Variants in ACSM3 observed in about 807,000 individuals in gnomAD.
ACSM3 encodes the protein acyl-CoA synthetase medium chain family member 3, also known as acyl-coenzyme A synthetase ACSM3, mitochondrial.
ACSM3 carries 61 observed loss-of-function variants against 74.1 expected under a neutral mutation model. That is an observed-to-expected ratio of 0.82 (90% CI 0.67 to 1.02). ACSM3 has a LOEUF of 1.02. ACSM3 is among the 50% of genes least tolerant of loss of function. The pLI, the probability that ACSM3 is intolerant of heterozygous loss-of-function variation, is 0.00. For synonymous variants in ACSM3, 213 were observed against 241.5 expected, an observed-to-expected ratio of 0.88 and a Z score of 1.09; for missense variants, 660 against 697.0, an observed-to-expected ratio of 0.95 and a Z score of 0.60.
chr16:20,704,841 A>G (rs1231394359), intron 1 of ACSM3, among the ~76,000 whole-genome samples: 1 of 152,222 alleles, frequency 6.6e-6, no homozygotes, highest in Non-Finnish European at 1.5e-5. Context: ...TAGACAAGTT[A>G]TCATAAAAGA....
chr16:20,717,716 A>C (rs2152386524), intron 1 of ACSM3, among the ~76,000 whole-genome samples: 1 of 152,266 alleles, frequency 6.6e-6, no homozygotes, highest in Admixed American at 6.6e-5. Flanking sequence ...CTTGGAAAAA[A>C]AATCTTACAA....
chr16:20,794,335 C>G (rs1381461685), intron 12 of ACSM3, among the ~76,000 whole-genome samples: 1 of 152,138 alleles, frequency 6.6e-6, no homozygotes, highest in African/African-American at 2.4e-5. Flanking sequence ...GATCACATAT[C>G]TCTTTGAGAA....
chr16:20,723,051 A>T (rs1398923611), intron 1 of ACSM3, among the ~76,000 whole-genome samples: 1 of 151,606 alleles, frequency 6.6e-6, no homozygotes, highest in African/African-American at 2.4e-5. Flanking sequence ...ACCCCACAAC[A>T]GGCCCCAGTG....
chr16:20,791,949 T>A, intron 10 of ACSM3, 53 bp from the exon 11 acceptor site: 2 of 1,574,766 alleles, frequency 1.3e-6, no homozygotes, highest in Middle Eastern at 1.7e-4. Context: ...AAAATTCCAA[T>A]TGACCAGAAG....
intron 1 of ACSM3, chr16:20,736,490 A>G (rs1421850449): frequency 5.6e-6 from 1 of 177,416 alleles, no homozygotes; most frequent in Non-Finnish European, 1.2e-5. Context: ...TGTTTACAAC[A>G]AAGTGGCAGG....
chr16:20,759,575 A>T (rs1027610629), upstream of ACSM3, among the ~76,000 whole-genome samples: 3 of 151,566 alleles, frequency 2.0e-5, no homozygotes, highest in African/African-American at 7.3e-5. Flanking sequence ...AAAAAAAAAA[A>T]AAAGGGCTGG....
At chr16:20,729,249 C>T in intron 1 of ACSM3, 1 of 1,069,234 alleles carries the variant, frequency 9.4e-7, no homozygotes, top group South Asian at 1.3e-5. Flanking sequence ...GAGAAAACTG[C>T]TGCCACGGTA....
chr16:20,723,111 C>T (rs937256496), intron 1 of ACSM3, among the ~76,000 whole-genome samples: 5 of 152,080 alleles, frequency 3.3e-5, no homozygotes, highest in Admixed American at 6.6e-5. Context: ...TCAATTCCCA[C>T]CTATGAGTAA....
chr16:20,793,783 T>G (rs2080658454), intron 12 of ACSM3, among the ~76,000 whole-genome samples: 1 of 152,208 alleles, frequency 6.6e-6, no homozygotes, highest in African/African-American at 2.4e-5. Flanking sequence ...TCGGCAAGGT[T>G]TCACGAGTCT....
At chr16:20,732,919 C>G in intron 1 of ACSM3, 1 of 163,166 alleles carries the variant, frequency 6.1e-6, no homozygotes, top group Non-Finnish European at 1.4e-5. Context: ...GGAATTTGTT[C>G]AAGAACTCCC....
intron 1 of ACSM3, chr16:20,691,288 C>T: frequency 2.8e-6 from 3 of 1,053,122 alleles, no homozygotes; most frequent in South Asian, 1.9e-5. Flanking sequence ...AAACTTTCTC[C>T]CTAAATTGGG....
intron 1 of ACSM3, among the ~76,000 whole-genome samples, chr16:20,704,920 C>T (rs2079722646): frequency 6.6e-6 from 1 of 152,158 alleles, no homozygotes; most frequent in South Asian, 2.1e-4. Context: ...ATTGGTGGCA[C>T]AGATAAATCA....
At chr16:20,742,984 A>G (rs1042724343) in intron 1 of ACSM3, among the ~76,000 whole-genome samples, 3 of 136,564 alleles carry the variant, frequency 2.2e-5, no homozygotes, top group African/African-American at 8.4e-5. Flanking sequence ...TCTGTCGCCC[A>G]GGCTGGAGTG....
At position 20,781,104 on chromosome 16, in the gene ACSM3, C is replaced by G; in HGVS notation, c.913C>G (p.Arg305Gly). ...ATGTGTATTCACACACCATTTACCC[C>G]GTTTTGAGCCGACTTCTATCTTGCA... Reference protein sequence around the residue: ...GACVFTHHLPRFEPTSILQTL... With the variant: ...GACVFTHHLPGFEPTSILQTL... Residue 305 changes from arginine to glycine, a missense_variant, in exon 6 of 14, where the codon CGT becomes GGT. By Grantham distance (125) the Arg-to-Gly change is moderately radical. Coordinates refer to ENST00000289416, the MANE Select transcript of ACSM3 (RefSeq NM_005622.4). 1.2e-6 allele frequency: 2 copies of G among 1,613,940 alleles called. No individual in the cohort carries two copies. The highest frequency in any genetic ancestry group is 1.7e-6 in the Non-Finnish European group (2 of 1,179,978).
At chr16:20,741,824 C>T (rs1484700018) in intron 1 of ACSM3, 2 of 1,540,174 alleles carry the variant, frequency 1.3e-6, no homozygotes, top group African/African-American at 1.4e-5. Context: ...CTGGTGACGT[C>T]GGATATGAGC....
At position 20,775,962 on chromosome 16, in the gene ACSM3, T is replaced by C. The variant is rs1319129246; in HGVS notation, c.343T>C (p.Cys115Arg). 1 of 1,614,198 alleles carries C rather than the reference T, an allele frequency of 6.2e-7. No homozygotes were observed. The highest frequency in any genetic ancestry group is 1.7e-5 in the Admixed American group (1 of 60,022). Reference protein sequence around the residue: ...RKFANILSEACSLQRGDRVIL... With the variant: ...RKFANILSEARSLQRGDRVIL... ...ATTTGCCAATATACTTTCAGAAGCC[T>C]GTTCCCTACAAAGAGGAGATCGGGT... Residue 115 changes from cysteine (C) to arginine (R), a missense_variant, in exon 3 of 14, where the codon TGT becomes CGT. Coordinates refer to ENST00000289416, the MANE Select transcript of ACSM3 (RefSeq NM_005622.4).
chr16:20,737,005 T>C, intron 1 of ACSM3: 1 of 1,614,136 alleles, frequency 6.2e-7, no homozygotes, highest in East Asian at 2.2e-5. Context: ...AGCTCCTCAG[T>C]ATTCTCTGGT....
At chr16:20,713,941 A>G (rs2079752451) in intron 1 of ACSM3, among the ~76,000 whole-genome samples, 1 of 152,146 alleles carries the variant, frequency 6.6e-6, no homozygotes, top group Non-Finnish European at 1.5e-5. Flanking sequence ...ATGTGGGCTA[A>G]TTTTACACTG....
chr16:20,683,646 C>T (rs1379862552), intron 1 of ACSM3, among the ~76,000 whole-genome samples: 2 of 136,868 alleles, frequency 1.5e-5, no homozygotes, highest in Non-Finnish European at 1.5e-5. Flanking sequence ...CAGCTCAAGT[C>T]TTTTTTTTTT....
Sources: allele counts gnomAD v4.1 joint callset (sites outside exome capture counted in the v4.1 genomes callset), GRCh38; gene constraint gnomAD v4.1.1; transcripts MANE v1.5; gene names NCBI Gene and HGNC (gene_info 2026-07-23, HGNC 2026-07-21).